The following UNC13C variants were observed in gnomAD, a reference collection of about 807,000 sequenced individuals.
The protein encoded by UNC13C is unc-13 homolog C, also known as protein unc-13 homolog C.
In UNC13C, 174 loss-of-function variants were observed where a neutral mutation model predicts 245.4. The ratio of observed to expected loss-of-function variants is 0.71; its 90% CI spans 0.63 to 0.80. The LOEUF (loss-of-function observed/expected upper bound fraction) is 0.80, where lower values mean the gene tolerates loss of function less well. Among genes scored for constraint, UNC13C ranks in the 30% least tolerant of loss-of-function variants. The pLI, the probability that UNC13C is intolerant of heterozygous loss-of-function variation, is 0.00. For synonymous variants in UNC13C, 992 were observed against 895.1 expected, an observed-to-expected ratio of 1.11 and a Z score of -1.93; for missense variants, 2,829 against 2,602.9, an observed-to-expected ratio of 1.09 and a Z score of -1.89.
intron 2 of UNC13C, among the ~76,000 whole-genome samples, chr15:54,078,576 T>A (rs921005251): frequency 1.3e-5 from 2 of 152,142 alleles, no homozygotes. Context: ...CTCTGATGAT[T>A]AGTGATGTCG....
At chr15:54,103,418 T>C (rs1175890897) in intron 2 of UNC13C, among the ~76,000 whole-genome samples, 1 of 152,234 alleles carries the variant, frequency 6.6e-6, no homozygotes, top group Non-Finnish European at 1.5e-5. Flanking sequence ...ATAATATTTC[T>C]TCTAAGACAA....
At chr15:54,186,970 T>C (rs2034012100) in intron 4 of UNC13C, among the ~76,000 whole-genome samples, 2 of 151,804 alleles carry the variant, frequency 1.3e-5, no homozygotes, top group Non-Finnish European at 2.9e-5. Flanking sequence ...TGCCTCTGCC[T>C]CCCAAGTACC....
the UNC13C span, among the ~76,000 whole-genome samples, chr15:53,921,515 C>A: frequency 6.6e-6 from 1 of 152,186 alleles, no homozygotes; most frequent in East Asian, 1.9e-4. Context: ...ATATTGCATA[C>A]GAAAGGAAGT....
intron 2 of UNC13C, among the ~76,000 whole-genome samples, chr15:54,109,275 C>G (rs141328578): frequency 0.026 from 2,124 of 81,994 alleles, 80 homozygotes; most frequent in African/African-American, 0.09. Context: ...CCTCTCCTCC[C>G]CTCCCCTCCC....
intron 24 of UNC13C, among the ~76,000 whole-genome samples, chr15:54,515,084 T>TA (rs375920793): frequency 1.2e-4 from 18 of 151,602 alleles, no homozygotes; most frequent in East Asian, 1.9e-4. Flanking sequence ...AGAGAATATA[T>TA]AAAAAAAAAT....
intron 10 of UNC13C, among the ~76,000 whole-genome samples, chr15:54,270,326 T>G (rs2036654100): frequency 6.6e-6 from 1 of 152,160 alleles, no homozygotes; most frequent in South Asian, 2.1e-4. Flanking sequence ...CCCTGTGAAC[T>G]GGGGTGGAAA....
At chr15:54,474,638 T>G (rs571369308) in intron 19 of UNC13C, among the ~76,000 whole-genome samples, 1 of 152,188 alleles carries the variant, frequency 6.6e-6, no homozygotes, top group South Asian at 2.1e-4. Context: ...CTATAGGTTA[T>G]CTCTTCACTC....
the UNC13C span, among the ~76,000 whole-genome samples, chr15:53,864,533 G>A: frequency 2.6e-5 from 4 of 152,086 alleles, no homozygotes; most frequent in Non-Finnish European, 5.9e-5. Flanking sequence ...AATATTAAAG[G>A]CAATATAGGC....
At chr15:54,384,294 T>G in intron 17 of UNC13C, among the ~76,000 whole-genome samples, 1 of 152,204 alleles carries the variant, frequency 6.6e-6, no homozygotes, top group African/African-American at 2.4e-5. Context: ...CAGCATGGTA[T>G]TTGTATGAAA....
At chr15:54,073,421 G>A (rs1489070412) in intron 2 of UNC13C, among the ~76,000 whole-genome samples, 1 of 152,068 alleles carries the variant, frequency 6.6e-6, no homozygotes, top group African/African-American at 2.4e-5. Flanking sequence ...TGGGTCCAAT[G>A]GTATTTCTGG....
At position 54,385,211 on chromosome 15, in the gene UNC13C, G is replaced by A. The variant is rs1353801825; in HGVS notation, c.4714-7837G>A. Among the ~76,000 whole-genome samples the A allele has an allele frequency of 2.0e-5, 3 of 152,096 alleles. No individual in the cohort carries two copies. In the East Asian group the frequency reaches 5.8e-4, roughly 29 times the overall value. On this transcript the variant is annotated intron_variant, in intron 17 of 32. Transcript: ENST00000260323. ...TATGGAATCAACCTAAGTGCCCATG[G>A]TGAACGATGCCCACTTTCACCGCTT...
chr15:54,041,503 C>G (rs1460058786), intron 2 of UNC13C, among the ~76,000 whole-genome samples: 6 of 152,146 alleles, frequency 3.9e-5, no homozygotes, highest in Non-Finnish European at 8.8e-5. Flanking sequence ...ATATTGTTCC[C>G]ATATACCTCT....
At chr15:53,890,852 T>G in the UNC13C span, among the ~76,000 whole-genome samples, 1 of 152,184 alleles carries the variant, frequency 6.6e-6, no homozygotes, top group African/African-American at 2.4e-5. Context: ...GTTTTTTGTG[T>G]CTTTATCTCC....
chr15:54,530,325 A>G (rs1895677787), intron 25 of UNC13C, among the ~76,000 whole-genome samples: 1 of 152,178 alleles, frequency 6.6e-6, no homozygotes, highest in Admixed American at 6.6e-5. Context: ...TGTACTGAGA[A>G]CATTAAGATC....
rs538249376 is a variant in UNC13C, at chr15:54,119,714, T to C, written c.2984-23304T>C. On this transcript the variant is annotated intron_variant, in intron 2 of 32. Coordinates refer to ENST00000260323, the MANE Select transcript of UNC13C (RefSeq NM_001080534.3). ...AGGCCTGTTGTGCCTGTTAGCCAAG[T>C]TGTATAAGGAAAAGTTCTTGAAGGA... 7.2e-5 allele frequency among the ~76,000 whole-genome samples: 11 copies of C among 152,282 alleles called. No homozygotes were observed. The South Asian group carries it at 8.3e-4, about 11-fold the overall frequency.
intron 19 of UNC13C, among the ~76,000 whole-genome samples, chr15:54,483,949 TAC>T (rs1166191357): frequency 3.2e-5 from 4 of 123,662 alleles, no homozygotes; most frequent in Admixed American, 7.7e-5. Flanking sequence ...ACACAGTACA[TAC>T]ACACACACAC....
chr15:54,203,837 C>CATACATATACAA (rs2034616910), intron 4 of UNC13C, among the ~76,000 whole-genome samples: 1 of 131,982 alleles, frequency 7.6e-6, no homozygotes, highest in Non-Finnish European at 1.6e-5. Context: ...TGTATATACA[C>CATACATATACAA]ATACATATAC....
At chr15:54,338,534 A>G in intron 17 of UNC13C, 45 bp downstream of exon 17, 1 of 1,601,386 alleles carries the variant, frequency 6.2e-7, no homozygotes. Flanking sequence ...TTTTGTTTCT[A>G]GTATCTGTTT....
the UNC13C span, among the ~76,000 whole-genome samples, chr15:53,921,895 G>A: frequency 1.3e-5 from 2 of 152,190 alleles, no homozygotes; most frequent in South Asian, 2.1e-4. Context: ...AATGAAAAAA[G>A]CATGTGTGTC....
Sources: allele counts gnomAD v4.1 joint callset (sites outside exome capture counted in the v4.1 genomes callset), GRCh38; gene constraint gnomAD v4.1.1; transcripts MANE v1.5; gene names NCBI Gene and HGNC (gene_info 2026-07-23, HGNC 2026-07-21).